The following CCSER1 variants were observed in gnomAD, a reference collection of about 807,000 sequenced individuals.
CCSER1 encodes the protein serine-rich coiled-coil domain-containing protein 1.
CCSER1 carries 41 observed loss-of-function variants against 82.0 expected under a neutral mutation model. The observed-to-expected ratio is 0.50, with a 90% CI of 0.39 to 0.65. The LOEUF is 0.65. Among genes scored for constraint, CCSER1 ranks in the 30% least tolerant of loss-of-function variants. CCSER1 has a pLI of 0.00. For synonymous variants in CCSER1, 414 were observed against 383.9 expected (o/e 1.08, Z -0.92); for missense variants, 1,119 against 1,064.2 (o/e 1.05, Z -0.72).
intron 3 of CCSER1, chr4:90,325,455 C>T: frequency 5.8e-6 from 1 of 172,650 alleles, no homozygotes; most frequent in Non-Finnish European, 1.3e-5. Context: ...TTTTATTTTT[C>T]AAGTTATATT....
chr4:91,498,091 G>A lies in CCSER1; in HGVS notation c.2218-100481G>A, dbSNP rs945181988. 2.0e-5 allele frequency among the ~76,000 whole-genome samples: 3 copies of A among 152,078 alleles called. No individual in the cohort carries two copies. The East Asian group carries it at 5.8e-4, about 29-fold the overall frequency. Reference sequence around the variant, plus strand: ...GGCCCTTGATATTGAGAAATACAGCGGTTCAGATGGAATATGCAAATAGAA... The same window carrying A: ...GGCCCTTGATATTGAGAAATACAGCAGTTCAGATGGAATATGCAAATAGAA... On this transcript the variant is annotated intron_variant, in intron 10 of 10. Transcript: ENST00000509176.
At chr4:90,886,082 A>C (rs977911381) in intron 8 of CCSER1, among the ~76,000 whole-genome samples, 3 of 152,122 alleles carry the variant, frequency 2.0e-5, no homozygotes, top group East Asian at 3.9e-4. Context: ...AAGTCTTCCT[A>C]GTCAGATGAT....
At chr4:91,241,719 C>A (rs1399675742) in intron 10 of CCSER1, among the ~76,000 whole-genome samples, 2 of 152,134 alleles carry the variant, frequency 1.3e-5, no homozygotes, top group Non-Finnish European at 2.9e-5. Context: ...TCTGTCACCA[C>A]ATTTTACTTT....
chr4:91,202,178 CAA>C (rs1262512718), intron 10 of CCSER1, among the ~76,000 whole-genome samples: 208 of 87,528 alleles, frequency 2.4e-3, no homozygotes, highest in African/African-American at 7.5e-3. Context: ...AAATAACTGT[CAA>C]AAAAAAAAAA....
chr4:91,112,393 C>T (rs1344522780), intron 10 of CCSER1, among the ~76,000 whole-genome samples: 1 of 151,886 alleles, frequency 6.6e-6, no homozygotes, highest in Non-Finnish European at 1.5e-5. Flanking sequence ...TATCTCCAGA[C>T]CTATGTATTT....
chr4:91,295,696 T>A (rs538760997), intron 10 of CCSER1, among the ~76,000 whole-genome samples: 8 of 152,046 alleles, frequency 5.3e-5, no homozygotes, highest in African/African-American at 1.2e-4. Context: ...CTAGGTTTGT[T>A]TGTTCTGGTT....
intron 3 of CCSER1, among the ~76,000 whole-genome samples, chr4:90,350,731 A>T (rs545247953): frequency 1.8e-4 from 27 of 152,258 alleles, no homozygotes; most frequent in Non-Finnish European, 3.2e-4. Context: ...GGGAAAGATG[A>T]TTTCAAAGAG....
chr4:90,960,331 G>A (rs1246861840), intron 9 of CCSER1, among the ~76,000 whole-genome samples: 1 of 152,114 alleles, frequency 6.6e-6, no homozygotes, highest in Non-Finnish European at 1.5e-5. Context: ...ACAGAAACAT[G>A]AAATGCCTTG....
intron 6 of CCSER1, among the ~76,000 whole-genome samples, chr4:90,660,418 A>G (rs1477467185): frequency 6.6e-6 from 1 of 152,090 alleles, no homozygotes; most frequent in Non-Finnish European, 1.5e-5. Flanking sequence ...CCTTAATGAA[A>G]CAACTTAGTA....
intron 4 of CCSER1, among the ~76,000 whole-genome samples, chr4:90,461,100 C>G: frequency 1.2e-5 from 1 of 84,674 alleles, no homozygotes; most frequent in South Asian, 3.8e-4. Flanking sequence ...GAGTCTCGCT[C>G]TGTCGCCCAG....
In CCSER1 at chr4:90,232,781, AAAAC is replaced by A. The variant is rs1450976005; in HGVS notation, c.-41-75456_-41-75453del. On this transcript the variant is annotated intron_variant, in intron 1 of 10. Coordinates refer to ENST00000509176, the MANE Select transcript of CCSER1 (RefSeq NM_001145065.2). ...TGAACTCAAACAAATTTACAAGAAAAAAACAAACAACCCCATCAAAAAGTGGGTG... is the reference window on the plus strand; with the variant it reads ...TGAACTCAAACAAATTTACAAGAAAAAAACAACCCCATCAAAAAGTGGGTG... Among the ~76,000 whole-genome samples, 12 of 150,704 alleles carry A rather than the reference AAAAC, an allele frequency of 8.0e-5. No individual in the cohort carries two copies. In the East Asian group the frequency reaches 1.2e-3, roughly 15 times the overall value.
chr4:90,928,658 T>C (rs925772449), intron 9 of CCSER1, among the ~76,000 whole-genome samples: 2 of 152,026 alleles, frequency 1.3e-5, no homozygotes, highest in African/African-American at 4.8e-5. Flanking sequence ...AAATTTTAAA[T>C]AGGGTGATCT....
intron 10 of CCSER1, among the ~76,000 whole-genome samples, chr4:91,325,623 TAA>T (rs1000194646): frequency 3.9e-5 from 6 of 152,114 alleles, no homozygotes; most frequent in Non-Finnish European, 8.8e-5. Context: ...TCTGGTAAAA[TAA>T]AAGTCTCTCC....
chr4:91,537,496 T>A (rs1460116956), intron 10 of CCSER1, among the ~76,000 whole-genome samples: 1 of 152,022 alleles, frequency 6.6e-6, no homozygotes, highest in African/African-American at 2.4e-5. Flanking sequence ...GGAAACAGCA[T>A]GTTACTCAGT....
chr4:91,174,161 A>G (rs1176211627), intron 10 of CCSER1, among the ~76,000 whole-genome samples: 1 of 152,134 alleles, frequency 6.6e-6, no homozygotes, highest in Non-Finnish European at 1.5e-5. Context: ...ACTTTGAAAA[A>G]CTGTTTAAAG....
At chr4:90,725,908 GGTT>G (rs756240188) in intron 7 of CCSER1, among the ~76,000 whole-genome samples, 2 of 151,758 alleles carry the variant, frequency 1.3e-5, no homozygotes, top group African/African-American at 2.4e-5. Flanking sequence ...GAAAATAAAA[GGTT>G]GTCTTTTTCA....
At chr4:90,504,817 A>G (rs956770419) in intron 5 of CCSER1, among the ~76,000 whole-genome samples, 1 of 152,178 alleles carries the variant, frequency 6.6e-6, no homozygotes, top group Non-Finnish European at 1.5e-5. Context: ...CTAACTCACA[A>G]TCCTAGAGAG....
At chr4:90,265,909 T>C (rs533164114) in intron 1 of CCSER1, among the ~76,000 whole-genome samples, 1 of 152,164 alleles carries the variant, frequency 6.6e-6, no homozygotes, top group Non-Finnish European at 1.5e-5. Flanking sequence ...TTTTTAGTCA[T>C]TTAAATACAA....
At chr4:90,856,477 G>A (rs2149961214) in intron 8 of CCSER1, among the ~76,000 whole-genome samples, 1 of 152,176 alleles carries the variant, frequency 6.6e-6, no homozygotes, top group East Asian at 1.9e-4. Context: ...ACAAGTATGG[G>A]AATTAAGATG....
Sources: gnomAD v4.1 joint callset for allele counts (sites outside exome capture counted in the v4.1 genomes callset) on GRCh38, gnomAD v4.1.1 for gene constraint, MANE v1.5 for transcripts, NCBI Gene and HGNC (gene_info 2026-07-23, HGNC 2026-07-21) for gene names.